Variants in CDK5 observed in about 807,000 individuals in gnomAD.
The protein encoded by CDK5 is cyclin-dependent kinase 5.
A neutral mutation model predicts 44.6 loss-of-function variants in CDK5; 18 were observed. The observed-to-expected ratio is 0.40, with a 90% CI of 0.28 to 0.60. The LOEUF (loss-of-function observed/expected upper bound fraction) is 0.60. CDK5 is among the 20% of genes least tolerant of loss of function. The probability of loss-of-function intolerance (pLI) is 0.38; values close to 1 mark genes in which losing one functional copy is unlikely to be tolerated. For missense variants in CDK5, 198 were observed against 368.1 expected (o/e 0.54, Z 3.78); for synonymous variants, 143 against 152.8 (o/e 0.94, Z 0.47).
rs1186998547 is a variant in CDK5, at chr7:151,055,078, C to T, written c.599G>A (p.Arg200Gln). The T allele has an allele frequency of 6.2e-7, 1 of 1,613,254 alleles. No individual in the cohort carries two copies. The highest frequency in any genetic ancestry group is 8.5e-7 in the Non-Finnish European group (1 of 1,179,524). Residue 200 changes from arginine to glutamine, a missense_variant, in exon 9 of 12, where the codon CGG (arginine) becomes CAG (glutamine). By Grantham distance (43) the Arg-to-Gln change is conservative. Transcript: ENST00000485972. ...GACATCATTGCCGGGAAAAAGAGGC[C>T]GCCCAGCATTGGCCAGCTCTGGGGG... Reference protein sequence around the residue: ...CIFAELANAGRPLFPGNDVDD... With the variant: ...CIFAELANAGQPLFPGNDVDD...
Position 151,057,514 on chromosome 7 carries a change from G to A in CDK5, c.37+298C>T. On this transcript the variant is annotated intron_variant, in intron 1 of 11. Transcript: ENST00000485972. This position sits in a 1 kb window ranked among gnomAD's most constrained non-coding sequence, Gnocchi z 5.2. ...AGGTCTGCAGCAAGAAACGAGGCTG[G>A]GGGTCGGGGTGAGGTTGTCCAAGTG... 1.7e-6 allele frequency: 1 copy of A among 596,136 alleles called. No individual in the cohort carries two copies. The highest frequency in any genetic ancestry group is 2.8e-5 in the East Asian group (1 of 35,598). 36.9% of individuals were successfully genotyped at this position (596,136 alleles called of 1,614,324 possible).
At position 151,057,711 on chromosome 7, in the gene CDK5, G is replaced by C. The variant is rs1001323510; in HGVS notation, c.37+101C>G. The C allele has an allele frequency of 2.4e-5, 31 of 1,292,496 alleles. No individual in the cohort carries two copies. The highest frequency in any genetic ancestry group is 3.2e-5 in the Non-Finnish European group (29 of 911,256). The allele number at this position is 1,292,496 out of a possible 1,614,324, so 80.1% of individuals were successfully genotyped here. A position where few individuals can be genotyped will look rare whatever the true frequency, so the allele number is the denominator to read the frequency against. On this transcript the variant is annotated intron_variant, in intron 1 of 11. Coordinates refer to ENST00000485972, the MANE Select transcript of CDK5 (RefSeq NM_004935.4). The surrounding 1 kb of genome is among the most constrained non-coding windows in gnomAD (Gnocchi z 5.2). ...CAGGGCTGCAGCCGCTGCTGAGATC[G>C]GAGCCTGTAGGCATTGCTGACGGTA...
Position 151,054,664 on chromosome 7 carries a change from A to C in CDK5, c.651-199T>G, listed in dbSNP as rs533656607. The stretch of plus-strand genomic sequence containing the variant: ...CATATCCAGCCACGTTTCCCATGAC[A>C]ATCACCTAACCCACATGCTGCTGTC... On this transcript the variant is annotated intron_variant, in intron 9 of 11. Transcript: ENST00000485972. This position sits in a 1 kb window ranked among gnomAD's most constrained non-coding sequence, Gnocchi z 5.7. Among the ~76,000 whole-genome samples the C allele has an allele frequency of 2.1e-4, 32 of 152,244 alleles. No individual in the cohort carries two copies. The highest frequency in any genetic ancestry group is 3.9e-4 in the East Asian group (2 of 5,166).
chr7:151,054,118 G>A lies in CDK5; in HGVS notation c.793-23C>T, dbSNP rs779941691. On this transcript the variant is annotated intron_variant, in intron 11 of 11. Coordinates refer to ENST00000485972, the MANE Select transcript of CDK5 (RefSeq NM_004935.4). This position sits in a 1 kb window ranked among gnomAD's most constrained non-coding sequence, Gnocchi z 5.7. ...GTTCTGGAGATGGGGGAAAGGAGGTGGCAGGTTCAGGACAGGTCACTGCCC... is the reference window on the plus strand; with the variant it reads ...GTTCTGGAGATGGGGGAAAGGAGGTAGCAGGTTCAGGACAGGTCACTGCCC... 3.1e-6 allele frequency: 5 copies of A among 1,591,684 alleles called. No homozygotes were observed. The highest frequency in any genetic ancestry group is 4.3e-6 in the Non-Finnish European group (5 of 1,168,816).
At position 151,055,604 on chromosome 7, in the gene CDK5, A is replaced by G. The variant is rs755717863; in HGVS notation, c.411T>C (p.Asn137=). 3.1e-6 allele frequency: 5 copies of G among 1,613,458 alleles called. No homozygotes were observed. The African/African-American group carries it at 5.3e-5, about 17-fold the overall frequency. Reference sequence around the variant, plus strand: ...CAAAATCAGCCAATTTCAGCTCCCCATTCTGAAGGGAATGGGAAGGGGACA... The same window carrying G: ...CAAAATCAGCCAATTTCAGCTCCCCGTTCTGAAGGGAATGGGAAGGGGACA... ...LKPQNLLINR[N]GELKLADFGL... is the part of the protein sequence containing the mutation. Residue 137 remains asparagine (N), a splice_region_variant and synonymous_variant, in exon 7 of 12, where the codon AAT becomes AAC. Coordinates refer to ENST00000485972, the MANE Select transcript of CDK5 (RefSeq NM_004935.4).
chr7:151,055,689 C>T (rs1563327937), intron 6 of CDK5, 64 bp downstream of exon 6: 2 of 1,534,642 alleles, frequency 1.3e-6, no homozygotes, highest in East Asian at 2.3e-5. Flanking sequence ...CAGTCCTCTT[C>T]CCTCTGTGCT....
rs1448810295 is a variant in CDK5, at chr7:151,054,780, G to T, written c.650+247C>A. Among the ~76,000 whole-genome samples, 1 of 152,090 alleles carries T rather than the reference G, an allele frequency of 6.6e-6. No individual in the cohort carries two copies. Among genetic ancestry groups the T allele is most frequent in the African/African-American group, 2.4e-5 (1 of 41,402 alleles). ...CATCCTGGCATCCATCTCTCACCTGGAGGGACACCCTCTCGGCTTCACCCC... is the reference window on the plus strand; with the variant it reads ...CATCCTGGCATCCATCTCTCACCTGTAGGGACACCCTCTCGGCTTCACCCC... On this transcript the variant is annotated intron_variant, in intron 9 of 11. Coordinates refer to ENST00000485972, the MANE Select transcript of CDK5 (RefSeq NM_004935.4). This position sits in a 1 kb window ranked among gnomAD's most constrained non-coding sequence, Gnocchi z 5.7.
Position 151,054,320 on chromosome 7 carries a change from A to G in CDK5, c.712-28T>C, listed in dbSNP as rs1388952036. 1.9e-6 allele frequency: 3 copies of G among 1,612,998 alleles called. No individual in the cohort carries two copies. Among genetic ancestry groups the G allele is most frequent in the Admixed American group, 3.3e-5 (2 of 59,946 alleles). The stretch of plus-strand genomic sequence containing the variant: ...GTGGAGAGGCAGGGAGGGTCAGACT[A>G]GAGGTAGGGGGAGGGGGATGGAGGC... On this transcript the variant is annotated intron_variant, in intron 10 of 11. Transcript: ENST00000485972. This position sits in a 1 kb window ranked among gnomAD's most constrained non-coding sequence, Gnocchi z 5.7.
At position 151,056,242 on chromosome 7, in the gene CDK5, G is replaced by T; in HGVS notation, c.312+338C>A. ...TGGCTCCCCTGGAACCTGGACCAAG[G>T]CATTTGGTCTTGGGCCTAGAAAAGC... On this transcript the variant is annotated intron_variant, in intron 5 of 11. Transcript: ENST00000485972. The surrounding 1 kb of genome is among the most constrained non-coding windows in gnomAD (Gnocchi z 4.7). The T allele has an allele frequency of 1.9e-6, 1 of 525,636 alleles. No individual in the cohort carries two copies. The allele number at this position is 525,636 out of a possible 1,614,324, so 32.6% of individuals were successfully genotyped here. A position where few individuals can be genotyped will look rare whatever the true frequency, so the allele number is the denominator to read the frequency against.
rs1196471483 is a variant in CDK5 at position 151,055,570 on chromosome 7, G to A, written c.445C>T (p.Arg149Ter). ...ELKLADFGLA[R>*]AFGIPVRCYS... ...CAGCGGACGGGAATCCCAAAGGCTC[G>A]AGCCAGGCCAAAATCAGCCAATTTC... Residue 149 changes from arginine (R) to a stop codon, truncating the protein, a stop_gained, in exon 7 of 12, where the codon CGA becomes TGA. Coordinates refer to ENST00000485972, the MANE Select transcript of CDK5 (RefSeq NM_004935.4). LOFTEE classifies it high-confidence loss of function. 6.2e-7 allele frequency: 1 copy of A among 1,613,748 alleles called. No individual in the cohort carries two copies. The highest frequency in any genetic ancestry group is 8.5e-7 in the Non-Finnish European group (1 of 1,179,856).
In CDK5 at chr7:151,054,393, T is replaced by A. The variant is rs972954427; in HGVS notation, c.711+12A>T. ...CCCTGATGAACCATGACCCCCACAT[T>A]CCCCATCACACCTTATAGTCTGGCA... On this transcript the variant is annotated intron_variant, in intron 10 of 11. Transcript: ENST00000485972. The surrounding 1 kb of genome is among the most constrained non-coding windows in gnomAD (Gnocchi z 5.7). 6.2e-7 allele frequency: 1 copy of A among 1,612,650 alleles called. No individual in the cohort carries two copies. The highest frequency in any genetic ancestry group is 8.5e-7 in the Non-Finnish European group (1 of 1,179,278).
At position 151,057,866 on chromosome 7, in the gene CDK5, C is replaced by A. The variant is rs770392459; in HGVS notation, c.-18G>T. 6.9e-6 allele frequency: 11 copies of A among 1,605,044 alleles called. No homozygotes were observed. The highest frequency in any genetic ancestry group is 9.4e-6 in the Non-Finnish European group (11 of 1,176,108). Reference sequence around the variant, plus strand: ...TTCTGCATCGCGGCGGCCGCGGGGACCCCTGCGGGCCCTCGGTTTTAAGAC... The same window carrying A: ...TTCTGCATCGCGGCGGCCGCGGGGAACCCTGCGGGCCCTCGGTTTTAAGAC... On this transcript the variant is annotated 5_prime_UTR_variant, in exon 1 of 12. Transcript: ENST00000485972. The surrounding 1 kb of genome is among the most constrained non-coding windows in gnomAD (Gnocchi z 5.2).
At position 151,056,726 on chromosome 7, in the gene CDK5, C is replaced by T. The variant is rs376160817; in HGVS notation, c.255+10G>A. 3.1e-5 allele frequency: 50 copies of T among 1,612,852 alleles called. 1 individual carries two copies. In the African/African-American group the frequency reaches 3.2e-4, roughly 10 times the overall value. On this transcript the variant is annotated intron_variant, in intron 4 of 11. Transcript: ENST00000485972. This position sits in a 1 kb window ranked among gnomAD's most constrained non-coding sequence, Gnocchi z 4.7. The stretch of plus-strand genomic sequence containing the variant: ...CCCAAGGCTACTGTCCTCCAAACCC[C>T]GCCTTTCACCTGGTCACAGAATTCA...
rs370641796 is a variant in CDK5, at chr7:151,055,880, G to C, written c.313-32C>G. 7.5e-6 allele frequency: 11 copies of C among 1,461,622 alleles called. No homozygotes were observed. In the Admixed American group the frequency reaches 1.1e-4, roughly 15 times the overall value. The allele number at this position is 1,461,622 out of a possible 1,614,324, so 90.5% of individuals were successfully genotyped here. On this transcript the variant is annotated intron_variant, in intron 5 of 11. Transcript: ENST00000485972. ...GGAGAGAGGGAGAAGGGAGTCAGAC[G>C]CCCTGAACATGCAACTGTGCCCAGC...
chr7:151,054,506 C>G lies in CDK5; in HGVS notation c.651-41G>C. ...AGGATCACTTGGGAAAGGGCCACAG[C>G]TGCATCTTCAGGGGCAGGGTGAGGG... On this transcript the variant is annotated intron_variant, in intron 9 of 11. Transcript: ENST00000485972. The surrounding 1 kb of genome is among the most constrained non-coding windows in gnomAD (Gnocchi z 5.7). 1 of 1,573,440 alleles carries G rather than the reference C, an allele frequency of 6.4e-7. No homozygotes were observed. Among genetic ancestry groups the G allele is most frequent in the Non-Finnish European group, 8.7e-7 (1 of 1,152,086 alleles).
Position 151,056,897 on chromosome 7 carries a change from C to T in CDK5, c.194+11G>A, listed in dbSNP as rs1438262501. The T allele has an allele frequency of 2.5e-6, 4 of 1,604,776 alleles. No individual in the cohort carries two copies. Among genetic ancestry groups the T allele is most frequent in the Middle Eastern group, 1.6e-4 (1 of 6,080 alleles). On this transcript the variant is annotated intron_variant, in intron 3 of 11. Coordinates refer to ENST00000485972, the MANE Select transcript of CDK5 (RefSeq NM_004935.4). The surrounding 1 kb of genome is among the most constrained non-coding windows in gnomAD (Gnocchi z 4.7). The stretch of plus-strand genomic sequence containing the variant: ...GGCCACACCGGCAAGGAGCACCCGC[C>T]TCCCGCACACCTGACGATGTTCTTG...
At position 151,057,655 on chromosome 7, in the gene CDK5, G is replaced by C. The variant is rs1037972552; in HGVS notation, c.37+157C>G. The C allele has an allele frequency of 2.4e-5, 19 of 783,042 alleles. No homozygotes were observed. Among genetic ancestry groups the C allele is most frequent in the African/African-American group, 2.4e-4 (14 of 58,412 alleles). 48.5% of individuals were successfully genotyped at this position (783,042 alleles called of 1,614,324 possible). On this transcript the variant is annotated intron_variant, in intron 1 of 11. Transcript: ENST00000485972. This position sits in a 1 kb window ranked among gnomAD's most constrained non-coding sequence, Gnocchi z 5.2. Reference sequence around the variant, plus strand: ...GGGAAATGCTAACACGGGGAAGACTGGTGTCTGCACGGAGTGCTGAGCTAG... The same window carrying C: ...GGGAAATGCTAACACGGGGAAGACTCGTGTCTGCACGGAGTGCTGAGCTAG...
rs543004593 is a variant in CDK5, at chr7:151,055,914, G to A, written c.313-66C>T. On this transcript the variant is annotated intron_variant, in intron 5 of 11. Coordinates refer to ENST00000485972, the MANE Select transcript of CDK5 (RefSeq NM_004935.4). ...ATGCAACTGTGCCCAGCAACGGGTC[G>A]GCTCCTCTCCTCACCCTGTGCTTCG... is the stretch of plus-strand genomic sequence containing the variant. 975 of 1,078,212 alleles carry A rather than the reference G, an allele frequency of 9.0e-4. 4 individuals are homozygous for A. The highest frequency in any genetic ancestry group is 2.8e-3 in the South Asian group (211 of 74,318). The allele number at this position is 1,078,212 out of a possible 1,614,324, so 66.8% of individuals were successfully genotyped here. A position where few individuals can be genotyped will look rare whatever the true frequency, so the allele number is the denominator to read the frequency against.
chr7:151,057,519 CG>C lies in CDK5; in HGVS notation c.37+292del. 1 of 595,800 alleles carries C rather than the reference CG, an allele frequency of 1.7e-6. No homozygotes were observed. The highest frequency in any genetic ancestry group is 3.0e-5 in the Admixed American group (1 of 33,720). The allele number at this position is 595,800 out of a possible 1,614,324, so 36.9% of individuals were successfully genotyped here. On this transcript the variant is annotated intron_variant, in intron 1 of 11. Transcript: ENST00000485972. This position sits in a 1 kb window ranked among gnomAD's most constrained non-coding sequence, Gnocchi z 5.2. ...TGCAGCAAGAAACGAGGCTGGGGGTCGGGGTGAGGTTGTCCAAGTGCTGCTG... is the reference window on the plus strand; with the variant it reads ...TGCAGCAAGAAACGAGGCTGGGGGTCGGGTGAGGTTGTCCAAGTGCTGCTG...
Sources: allele counts gnomAD v4.1 joint callset (sites outside exome capture counted in the v4.1 genomes callset), GRCh38; gene constraint gnomAD v4.1.1; non-coding constraint Gnocchi (gnomAD v3.1); transcripts MANE v1.5; gene names NCBI Gene and HGNC (gene_info 2026-07-23, HGNC 2026-07-21).